Variants in PMS1 observed in about 807,000 individuals in gnomAD.
PMS1 encodes PMS1 protein homolog 1.
A neutral mutation model predicts 93.1 loss-of-function variants in PMS1; 79 were observed. That is an observed-to-expected ratio of 0.85 (90% CI 0.71 to 1.02). The LOEUF (loss-of-function observed/expected upper bound fraction) is 1.02. Ranked by LOEUF, PMS1 falls within the 50% of genes least tolerant of loss-of-function variation. The probability of loss-of-function intolerance (pLI) is 0.00; values close to 1 mark genes in which losing one functional copy is unlikely to be tolerated. For synonymous variants in PMS1, 335 were observed against 363.4 expected (o/e 0.92, Z 0.89); for missense variants, 1,064 against 1,085.3 (o/e 0.98, Z 0.28).
chr2:189,846,739 C>CT (rs1418545948), intron 6 of PMS1, among the ~76,000 whole-genome samples: 2 of 152,082 alleles, frequency 1.3e-5, no homozygotes, highest in African/African-American at 4.8e-5. Flanking sequence ...TCATCTTGCA[C>CT]TTTCGCTTGT....
rs926688572 is a variant in PMS1 at position 189,860,556 on chromosome 2, G to A, written c.1857-3187G>A. On this transcript the variant is annotated intron_variant, in intron 9 of 12. Coordinates refer to ENST00000441310, the MANE Select transcript of PMS1 (RefSeq NM_000534.5). ...GTGTTGTTTACTTTCCAAATATTTG[G>A]GGCTTTTCCGGATATTTTATTTCTA... 5.9e-5 allele frequency among the ~76,000 whole-genome samples: 9 copies of A among 151,834 alleles called. 1 individual carries two copies. Among genetic ancestry groups the A allele is most frequent in the African/African-American group, 1.7e-4 (7 of 41,370 alleles).
chr2:189,877,130 C>T, intron 12 of PMS1, 142 bp from the exon 13 acceptor site: 1 of 706,116 alleles, frequency 1.4e-6, no homozygotes, highest in Non-Finnish European at 2.4e-6. Flanking sequence ...GAGCTGACAA[C>T]ATAGTTGATA....
intron 2 of PMS1, among the ~76,000 whole-genome samples, chr2:189,792,254 T>A (rs1214934259): frequency 6.6e-6 from 1 of 152,232 alleles, no homozygotes; most frequent in African/African-American, 2.4e-5. Flanking sequence ...TTTTGCATTT[T>A]ATTTTTTCCA....
chr2:189,841,433 G>A (rs1330271081), intron 5 of PMS1, among the ~76,000 whole-genome samples: 1 of 152,172 alleles, frequency 6.6e-6, no homozygotes, highest in Non-Finnish European at 1.5e-5. Context: ...CAAGCAGGTT[G>A]CTGTTTGAGA....
chr2:189,874,112 AAG>A (rs1310020990), intron 12 of PMS1, among the ~76,000 whole-genome samples: 2 of 152,204 alleles, frequency 1.3e-5, no homozygotes, highest in Non-Finnish European at 2.9e-5. Flanking sequence ...TAAAAAAAAA[AAG>A]AACACTCTAT....
At position 189,867,877 on chromosome 2, in the gene PMS1, C is replaced by T; in HGVS notation, c.2421C>T (p.Tyr807=). 1.3e-6 allele frequency: 2 copies of T among 1,597,012 alleles called. No homozygotes were observed. The highest frequency in any genetic ancestry group is 1.1e-5 in the South Asian group (1 of 90,726). ...ADDQRYSGST[Y]LSDPRLTANG... The stretch of plus-strand genomic sequence containing the variant: ...ACCAAAGATACAGTGGATCAACTTA[C>T]CTGTCTGATCCTCGTCTTACAGCGA... The change falls in exon 11 of 13, where the codon TAC becomes TAT. Residue 807 remains tyrosine (Y), a synonymous_variant. Coordinates refer to ENST00000441310, the MANE Select transcript of PMS1 (RefSeq NM_000534.5).
chr2:189,787,953 T>C (rs5742959), intron 1 of PMS1, among the ~76,000 whole-genome samples: 142,382 of 152,172 alleles, frequency 0.94, 66,715 homozygotes, highest in East Asian at 0.97. Context: ...GACCAGAGGA[T>C]GCAATGGGAT....
intron 9 of PMS1, among the ~76,000 whole-genome samples, chr2:189,862,195 T>A (rs1236018728): frequency 6.6e-6 from 1 of 152,184 alleles, no homozygotes; most frequent in African/African-American, 2.4e-5. Flanking sequence ...AAACAACACA[T>A]TTTATCATTT....
intron 6 of PMS1, among the ~76,000 whole-genome samples, chr2:189,848,072 A>G (rs913332544): frequency 6.6e-6 from 1 of 152,054 alleles, no homozygotes; most frequent in African/African-American, 2.4e-5. Context: ...TCTAGTTTTG[A>G]CACACTCCAG....
At chr2:189,876,984 C>T (rs1384209989) in intron 12 of PMS1, among the ~76,000 whole-genome samples, 1 of 152,066 alleles carries the variant, frequency 6.6e-6, no homozygotes, top group African/African-American at 2.4e-5. Context: ...ATCACTCTAT[C>T]ATGTGGCCCA....
chr2:189,825,872 A>T (rs1247557823), intron 5 of PMS1, among the ~76,000 whole-genome samples: 1 of 152,076 alleles, frequency 6.6e-6, no homozygotes, highest in African/African-American at 2.4e-5. Context: ...GTTTCTTTGT[A>T]TGTTTTGTGC....
intron 2 of PMS1, among the ~76,000 whole-genome samples, chr2:189,795,118 A>T (rs948164768): frequency 2.0e-5 from 3 of 152,100 alleles, no homozygotes; most frequent in African/African-American, 7.2e-5. Context: ...TTTTTTTCAA[A>T]TTAAAAACTT....
At chr2:189,829,960 C>G (rs2052775565) in intron 5 of PMS1, among the ~76,000 whole-genome samples, 1 of 152,168 alleles carries the variant, frequency 6.6e-6, no homozygotes, top group Non-Finnish European at 1.5e-5. Flanking sequence ...GTATTTTCAG[C>G]TCAGTGATTC....
chr2:189,786,749 A>G (rs1480846303), intron 1 of PMS1, among the ~76,000 whole-genome samples: 1 of 152,192 alleles, frequency 6.6e-6, no homozygotes, highest in Non-Finnish European at 1.5e-5. Flanking sequence ...AACAAGAAAT[A>G]TAGGAAGAAA....
intron 11 of PMS1, among the ~76,000 whole-genome samples, chr2:189,872,237 A>G (rs1305109196): frequency 6.6e-6 from 1 of 152,170 alleles, no homozygotes. Flanking sequence ...TCTCTGGGAA[A>G]AATGTTTAGG....
At chr2:189,868,057 A>G in intron 11 of PMS1, 128 bp downstream of exon 11, 1 of 785,826 alleles carries the variant, frequency 1.3e-6, no homozygotes, top group Non-Finnish European at 2.2e-6. Context: ...AGTGTCAGCT[A>G]TGTTAAAACA....
chr2:189,817,649 G>A (rs2051440805), intron 4 of PMS1, among the ~76,000 whole-genome samples: 1 of 152,130 alleles, frequency 6.6e-6, no homozygotes, highest in Non-Finnish European at 1.5e-5. Flanking sequence ...TATATAAACT[G>A]TAATATTATA....
intron 5 of PMS1, among the ~76,000 whole-genome samples, chr2:189,842,341 T>C (rs564829927): frequency 2.6e-5 from 4 of 152,230 alleles, no homozygotes; most frequent in Middle Eastern, 3.4e-3. Context: ...AATGCTGATA[T>C]TGATGTTTTC....
At position 189,844,035 on chromosome 2, in the gene PMS1, T is replaced by TA; in HGVS notation, c.655dup (p.Met219AsnfsTer12). 2 of 1,614,016 alleles carry TA rather than the reference T, an allele frequency of 1.2e-6. No individual in the cohort carries two copies. Among genetic ancestry groups the TA allele is most frequent in the Non-Finnish European group, 1.7e-6 (2 of 1,179,952 alleles). On this transcript the variant is annotated frameshift_variant, in exon 6 of 13. Transcript: ENST00000441310. LOFTEE classifies it high-confidence loss of function. Reference sequence around the variant, plus strand: ...TCATGTCAGTTCTGGGGACTGCTGTTATGAACAATATGGAATCCTTTCAGT... The same window carrying TA: ...TCATGTCAGTTCTGGGGACTGCTGTTAATGAACAATATGGAATCCTTTCAGT...
Sources: allele counts gnomAD v4.1 joint callset (sites outside exome capture counted in the v4.1 genomes callset), GRCh38; gene constraint gnomAD v4.1.1; transcripts MANE v1.5; gene names NCBI Gene and HGNC (gene_info 2026-07-23, HGNC 2026-07-21).